Variants in UBE3B observed in about 807,000 individuals in gnomAD.
The protein encoded by UBE3B is ubiquitin-protein ligase E3B.
UBE3B carries 80 observed loss-of-function variants against 132.3 expected under a neutral mutation model. The observed-to-expected ratio is 0.60, with a 90% CI of 0.50 to 0.73. The LOEUF (loss-of-function observed/expected upper bound fraction) is 0.73. Among genes scored for constraint, UBE3B ranks in the 30% least tolerant of loss-of-function variants. The probability of loss-of-function intolerance (pLI) is 0.00; values close to 1 mark genes in which losing one functional copy is unlikely to be tolerated. For missense variants in UBE3B, 1,196 were observed against 1,362.5 expected (o/e 0.88, Z 1.92); for synonymous variants, 487 against 520.4 (o/e 0.94, Z 0.87).
In UBE3B at chr12:109,529,999, C is replaced by G; in HGVS notation, c.2737C>G (p.Arg913Gly). Reference protein sequence around the residue: ...FRSIIKPEWIRMFSTPELQRL... With the variant: ...FRSIIKPEWIGMFSTPELQRL... ...TTCCATTATCAAACCCGAGTGGATC[C>G]GAATGTTCTCAACTCCTGAACTGCA... Residue 913 changes from arginine to glycine, a missense_variant, in exon 25 of 28, where the codon CGA (arginine) becomes GGA (glycine). Arg to Gly is a moderately radical substitution (Grantham distance 125, BLOSUM62 -2). Coordinates refer to ENST00000342494, the MANE Select transcript of UBE3B (RefSeq NM_130466.4). The G allele has an allele frequency of 1.2e-6, 2 of 1,614,052 alleles. No individual in the cohort carries two copies. The highest frequency in any genetic ancestry group is 1.7e-6 in the Non-Finnish European group (2 of 1,180,020).
chr12:109,543,401 C>T, the UBE3B span, among the ~76,000 whole-genome samples: 3 of 152,138 alleles, frequency 2.0e-5, no homozygotes, highest in Non-Finnish European at 4.4e-5. Flanking sequence ...CAGCAGGACT[C>T]GGCTGAGGCC....
rs947273811 is a variant in UBE3B, at chr12:109,509,541, T to C, written c.1623-55T>C. 9 of 1,248,336 alleles carry C rather than the reference T, an allele frequency of 7.2e-6. No individual in the cohort carries two copies. The African/African-American group carries it at 1.3e-4, about 17-fold the overall frequency. 77.3% of individuals were successfully genotyped at this position (1,248,336 alleles called of 1,614,324 possible). On this transcript the variant is annotated intron_variant, in intron 15 of 27. Coordinates refer to ENST00000342494, the MANE Select transcript of UBE3B (RefSeq NM_130466.4). ...TGTCTAGTAAGCAGTACAGATTTTT[T>C]TTCTCTTCGCCTTTTTTCAGTGTGG...
chr12:109,497,833 A>C lies in UBE3B; in HGVS notation c.729A>C (p.Ala243=), dbSNP rs1878433125. 1 of 1,614,014 alleles carries C rather than the reference A, an allele frequency of 6.2e-7. No individual in the cohort carries two copies. Among genetic ancestry groups the C allele is most frequent in the Admixed American group, 1.7e-5 (1 of 60,000 alleles). The change falls in exon 10 of 28, where the codon GCA becomes GCC. Residue 243 remains alanine, a synonymous_variant. Coordinates refer to ENST00000342494, the MANE Select transcript of UBE3B (RefSeq NM_130466.4). ...FSLALRPVIA[A]QFSDNLIRPF... is the part of the protein sequence containing the mutation. The stretch of plus-strand genomic sequence containing the variant: ...CTGTGTCTAGCCCTGTGATTGCTGC[A>C]CAGTTCTCAGACAATCTGATTCGGC...
chr12:109,518,275 C>G (rs1159842193), intron 19 of UBE3B, among the ~76,000 whole-genome samples: 4 of 152,142 alleles, frequency 2.6e-5, no homozygotes, highest in Non-Finnish European at 5.9e-5. Context: ...AAGCACGTGC[C>G]TCCCCAGAAG....
intron 1 of UBE3B, among the ~76,000 whole-genome samples, chr12:109,478,319 G>A (rs1592859249): frequency 6.6e-6 from 1 of 152,120 alleles, no homozygotes; most frequent in African/African-American, 2.4e-5. Flanking sequence ...CTGTGAACGG[G>A]GGAGCCCTGG....
In UBE3B at chr12:109,509,684, G is replaced by A. The variant is rs373624920; in HGVS notation, c.1711G>A (p.Val571Met). Residue 571 changes from valine to methionine, a missense_variant, in exon 16 of 28, where the codon GTG becomes ATG. Coordinates refer to ENST00000342494, the MANE Select transcript of UBE3B (RefSeq NM_130466.4). ...TATCTCCTCTTTCCTGAATTCTTTTGTGTTTAAGATGATCTGGGATGGAAT... is the reference window on the plus strand; with the variant it reads ...TATCTCCTCTTTCCTGAATTCTTTTATGTTTAAGATGATCTGGGATGGAAT... ...VTISSFLNSF[V>M]FKMIWDGIVE... 3.1e-6 allele frequency: 5 copies of A among 1,609,784 alleles called. No individual in the cohort carries two copies. In the African/African-American group the frequency reaches 5.4e-5, roughly 17 times the overall value.
rs1331385525 is a variant in UBE3B at position 109,529,957 on chromosome 12, C to T, written c.2695C>T (p.Leu899Phe). The change falls in exon 25 of 28, where the codon CTC becomes TTC. Residue 899 changes from leucine (L) to phenylalanine (F), a missense_variant. Coordinates refer to ENST00000342494, the MANE Select transcript of UBE3B (RefSeq NM_130466.4). ...TCAAATAAAAAACCAAACAGCTGCCCTCATTAGCGGATTCCGTTCCATTAT... is the reference window on the plus strand; with the variant it reads ...TCAAATAAAAAACCAAACAGCTGCCTTCATTAGCGGATTCCGTTCCATTAT... ...HTQIKNQTAALISGFRSIIKP... is the reference protein window; with the variant it reads ...HTQIKNQTAAFISGFRSIIKP... The T allele has an allele frequency of 6.2e-7, 1 of 1,614,074 alleles. No homozygotes were observed. Among genetic ancestry groups the T allele is most frequent in the East Asian group, 2.2e-5 (1 of 44,898 alleles).
At position 109,524,455 on chromosome 12, in the gene UBE3B, C is replaced by T; in HGVS notation, c.2520C>T (p.Ile840=). Residue 840 remains isoleucine, a synonymous_variant, in exon 23 of 28, where the codon ATC becomes ATT. Coordinates refer to ENST00000342494, the MANE Select transcript of UBE3B (RefSeq NM_130466.4). ...TACATTAGCGCTATGATGGGGACAT[C>T]ACTGACCTGGGCCTGACGCTGTCTT... ...LTSIKRYDGD[I]TDLGLTLSYD... 6.2e-7 allele frequency: 1 copy of T among 1,614,218 alleles called. No individual in the cohort carries two copies. The highest frequency in any genetic ancestry group is 8.5e-7 in the Non-Finnish European group (1 of 1,180,034).
At chr12:109,485,443 T>G (rs747642763) in intron 4 of UBE3B, among the ~76,000 whole-genome samples, 1 of 152,236 alleles carries the variant, frequency 6.6e-6, no homozygotes, top group Non-Finnish European at 1.5e-5. Flanking sequence ...AACCTCATCT[T>G]ACAGAGAAGG....
downstream of UBE3B, among the ~76,000 whole-genome samples, chr12:109,539,562 C>A (rs1475156678): frequency 2.0e-5 from 3 of 152,202 alleles, no homozygotes; most frequent in Admixed American, 6.5e-5. Flanking sequence ...GATAGCAGCA[C>A]CCACCATGCA....
intron 18 of UBE3B, among the ~76,000 whole-genome samples, chr12:109,511,951 G>A (rs1880423062): frequency 6.6e-6 from 1 of 152,192 alleles, no homozygotes; most frequent in Admixed American, 6.5e-5. Flanking sequence ...TCAGAGAATG[G>A]TCACATCCCA....
chr12:109,522,186 G>C lies in UBE3B; in HGVS notation c.2364+635G>C, dbSNP rs113700289. Among the ~76,000 whole-genome samples the C allele has an allele frequency of 3.3e-5, 5 of 152,280 alleles. No homozygotes were observed. Among genetic ancestry groups the C allele is most frequent in the African/African-American group, 1.2e-4 (5 of 41,540 alleles). On this transcript the variant is annotated intron_variant, in intron 21 of 27. Coordinates refer to ENST00000342494, the MANE Select transcript of UBE3B (RefSeq NM_130466.4). The surrounding 1 kb of genome is among the most constrained non-coding windows in gnomAD (Gnocchi z 4.2). ...TTGCCGTTAATGGTAAGTGAGGAGG[G>C]CCTTCTACGGTGCCCAGCCAGCTGC...
At chr12:109,524,161 C>T (rs1176241100) in intron 22 of UBE3B, 46 bp downstream of exon 22, 2 of 1,609,592 alleles carry the variant, frequency 1.2e-6, no homozygotes, top group South Asian at 1.1e-5. Context: ...CTGGTGTGAA[C>T]TCACAGCTTG....
the UBE3B span, among the ~76,000 whole-genome samples, chr12:109,545,261 C>T: frequency 4.3e-4 from 66 of 152,200 alleles, no homozygotes; most frequent in African/African-American, 1.5e-3. Context: ...CCAGATGAGC[C>T]GGGCCCCGCC....
At position 109,497,926 on chromosome 12, in the gene UBE3B, A is replaced by G; in HGVS notation, c.819+3A>G. ...ATCTCAGCACAGTGACCCCTGAGGT[A>G]AGCAGGCTCTGTGAGTTCCCCGTGA... On this transcript the variant is annotated splice_donor_region_variant and intron_variant, in intron 10 of 27. Coordinates refer to ENST00000342494, the MANE Select transcript of UBE3B (RefSeq NM_130466.4). 1 of 1,614,056 alleles carries G rather than the reference A, an allele frequency of 6.2e-7. No homozygotes were observed. Among genetic ancestry groups the G allele is most frequent in the Non-Finnish European group, 8.5e-7 (1 of 1,179,934 alleles).
intron 15 of UBE3B, among the ~76,000 whole-genome samples, chr12:109,508,122 G>A (rs1232901190): frequency 6.6e-6 from 1 of 152,180 alleles, no homozygotes; most frequent in Non-Finnish European, 1.5e-5. Context: ...CTGGGCAAGG[G>A]ATCACGGATT....
At position 109,534,277 on chromosome 12, in the gene UBE3B, GTTT is replaced by G; in HGVS notation, c.3016-311_3016-309del. On this transcript the variant is annotated intron_variant, in intron 27 of 27. Coordinates refer to ENST00000342494, the MANE Select transcript of UBE3B (RefSeq NM_130466.4). The surrounding 1 kb of genome is among the most constrained non-coding windows in gnomAD (Gnocchi z 5.2). ...TTCAGAAATGTTTGGGCACCTAACA[GTTT>G]TTACAGCATTCTACTTTTTGTCAAT... 2.2e-6 allele frequency: 3 copies of G among 1,343,774 alleles called. No homozygotes were observed. Among genetic ancestry groups the G allele is most frequent in the Non-Finnish European group, 2.9e-6 (3 of 1,042,744 alleles). The allele number at this position is 1,343,774 out of a possible 1,614,324, so 83.2% of individuals were successfully genotyped here.
At chr12:109,539,522 G>A (rs1220723907), downstream of UBE3B, among the ~76,000 whole-genome samples, 1 of 152,182 alleles carries the variant, frequency 6.6e-6, no homozygotes, top group African/African-American at 2.4e-5. Flanking sequence ...TGGCCCCTCA[G>A]ACCTGCAGTT....
intron 23 of UBE3B, among the ~76,000 whole-genome samples, chr12:109,525,556 A>C (rs534135240): frequency 6.6e-6 from 1 of 152,296 alleles, no homozygotes; most frequent in Admixed American, 6.5e-5. Context: ...GGGTTATAGA[A>C]TCTTCACAGA....
Sources: gnomAD v4.1 joint callset for allele counts (sites outside exome capture counted in the v4.1 genomes callset) on GRCh38, gnomAD v4.1.1 for gene constraint, Gnocchi (gnomAD v3.1) non-coding constraint, MANE v1.5 for transcripts, NCBI Gene and HGNC (gene_info 2026-07-23, HGNC 2026-07-21) for gene names.